Variants in SLC38A8 observed in about 807,000 individuals in gnomAD.
SLC38A8 encodes amino acid transporter SLC38A8.
Under a neutral mutation model 46.0 loss-of-function variants are expected in SLC38A8, and 65 were observed. That is an observed-to-expected ratio of 1.41 (90% CI 1.16 to 1.74). The LOEUF is 1.74. SLC38A8 is among the 40% of genes most tolerant of loss of function. The probability of loss-of-function intolerance (pLI) is 0.00; values close to 1 mark genes in which losing one functional copy is unlikely to be tolerated. For missense variants in SLC38A8, 998 were observed against 567.9 expected, an observed-to-expected ratio of 1.76 and a Z score of -7.70; for synonymous variants, 447 against 243.7, an observed-to-expected ratio of 1.83 and a Z score of -7.77.
chr16:84,015,767 G>A (rs546535259), intron 9 of SLC38A8, among the ~76,000 whole-genome samples: 4 of 152,236 alleles, frequency 2.6e-5, no homozygotes, highest in South Asian at 2.1e-4. Context: ...GTGCAGTGGC[G>A]CAATCTTGGC....
intron 7 of SLC38A8, among the ~76,000 whole-genome samples, chr16:84,018,810 A>C (rs938246267): frequency 6.6e-6 from 1 of 152,194 alleles, no homozygotes; most frequent in African/African-American, 2.4e-5. Flanking sequence ...AAGGAATGAC[A>C]AGACAAAGGG....
In SLC38A8 at chr16:84,017,189, A is replaced by C. The variant is rs1344261741; in HGVS notation, c.904T>G (p.Phe302Val). 1 of 1,614,120 alleles carries C rather than the reference A, an allele frequency of 6.2e-7. No homozygotes were observed. The highest frequency in any genetic ancestry group is 8.5e-7 in the Non-Finnish European group (1 of 1,180,014). ...TAGACAGTTACGATGGAGACAGCAA[A>C]AAGGACCCGGGCCACAATGATGACC... ...DMVIIVARVL[F>V]AVSIVTVYPI... is the part of the protein sequence containing the mutation. The change falls in exon 8 of 11, where the codon TTT (phenylalanine) becomes GTT (valine). Residue 302 changes from phenylalanine (F) to valine (V), a missense_variant. Phe to Val is a conservative substitution (Grantham distance 50). Transcript: ENST00000299709.
chr16:84,034,433 G>A (rs1017417117), intron 3 of SLC38A8, among the ~76,000 whole-genome samples: 5 of 152,194 alleles, frequency 3.3e-5, no homozygotes, highest in South Asian at 2.1e-4. Context: ...TAAGACAGAT[G>A]GGGGAGGGGA....
At chr16:84,040,906 C>T (rs926696939) in intron 2 of SLC38A8, among the ~76,000 whole-genome samples, 13 of 152,178 alleles carry the variant, frequency 8.5e-5, no homozygotes, top group African/African-American at 1.9e-4. Flanking sequence ...AGGCCAGGCA[C>T]GGGGCAGGAG....
intron 6 of SLC38A8, among the ~76,000 whole-genome samples, chr16:84,024,615 T>C (rs1336250376): frequency 6.6e-6 from 1 of 152,002 alleles, no homozygotes; most frequent in East Asian, 2.0e-4. Flanking sequence ...ACCCCGTCTC[T>C]ACTAAAAGTA....
chr16:84,016,223 C>G (rs1238109720), intron 9 of SLC38A8, among the ~76,000 whole-genome samples: 1 of 152,242 alleles, frequency 6.6e-6, no homozygotes, highest in Non-Finnish European at 1.5e-5. Context: ...CATGATTCAA[C>G]TATCTCCACC....
At chr16:84,037,101 A>G (rs188233067) in intron 2 of SLC38A8, among the ~76,000 whole-genome samples, 1 of 152,326 alleles carries the variant, frequency 6.6e-6, no homozygotes, top group Admixed American at 6.5e-5. Flanking sequence ...TCAGAGCTGC[A>G]GTGCAGGCTG....
At chr16:84,034,855 T>A (rs1324399500) in intron 3 of SLC38A8, among the ~76,000 whole-genome samples, 1 of 151,908 alleles carries the variant, frequency 6.6e-6, no homozygotes, top group East Asian at 1.9e-4. Flanking sequence ...ATAGCCAGGA[T>A]CCTCAGGGCC....
At chr16:84,032,161 G>T (rs2085247963) in intron 4 of SLC38A8, among the ~76,000 whole-genome samples, 193 bp from the exon 5 acceptor site, 1 of 138,366 alleles carries the variant, frequency 7.2e-6, no homozygotes, top group East Asian at 2.2e-4. Flanking sequence ...CAAGGGGTCA[G>T]ATGTAGAGTT....
At chr16:84,016,754 A>T (rs13380582) in intron 8 of SLC38A8, 27 bp from the exon 9 acceptor site, 93,339 of 1,600,436 alleles carry the variant, frequency 0.058, 3,131 homozygotes, top group East Asian at 0.13. Flanking sequence ...ACACAGACAC[A>T]TGGGCATCTC....
At chr16:84,025,857 T>C (rs2085158093) in intron 6 of SLC38A8, among the ~76,000 whole-genome samples, 1 of 152,220 alleles carries the variant, frequency 6.6e-6, no homozygotes, top group Non-Finnish European at 1.5e-5. Context: ...CGCGCACCCC[T>C]GCTCTCTGGC....
At chr16:84,025,817 C>A (rs367841815) in intron 6 of SLC38A8, among the ~76,000 whole-genome samples, 5 of 152,380 alleles carry the variant, frequency 3.3e-5, no homozygotes, top group Non-Finnish European at 1.5e-5. Flanking sequence ...TTGAGCACAG[C>A]CCTTCCGCTG....
chr16:84,029,649 AAC>A, intron 5 of SLC38A8, 98 bp from the exon 6 acceptor site: 3 of 1,194,994 alleles, frequency 2.5e-6, no homozygotes, highest in Non-Finnish European at 3.7e-6. Flanking sequence ...GGGAAAATGT[AAC>A]AGAGCATGGC....
intron 6 of SLC38A8, among the ~76,000 whole-genome samples, chr16:84,025,912 C>A (rs547414156): frequency 6.6e-6 from 1 of 152,196 alleles, no homozygotes; most frequent in African/African-American, 2.4e-5. Context: ...GCAGGGGGGA[C>A]GCAACCCCTC....
chr16:84,015,915 G>A (rs1169055053), intron 9 of SLC38A8, among the ~76,000 whole-genome samples: 1 of 152,204 alleles, frequency 6.6e-6, no homozygotes, highest in Non-Finnish European at 1.5e-5. Context: ...CTGACCTCAG[G>A]TGATCCGCCT....
intron 6 of SLC38A8, among the ~76,000 whole-genome samples, chr16:84,028,163 C>T (rs758115729): frequency 1.3e-5 from 2 of 151,874 alleles, no homozygotes; most frequent in East Asian, 3.9e-4. Flanking sequence ...AGCTGAGATC[C>T]GGTGGTAAAC....
At chr16:84,011,750 G>A (rs2084956535) in intron 10 of SLC38A8, among the ~76,000 whole-genome samples, 1 of 152,200 alleles carries the variant, frequency 6.6e-6, no homozygotes, top group Admixed American at 6.5e-5. Flanking sequence ...CAGGTGTGAT[G>A]GTGGGCGTCT....
chr16:84,040,343 T>G (rs182621988), intron 2 of SLC38A8, among the ~76,000 whole-genome samples: 1 of 152,338 alleles, frequency 6.6e-6, no homozygotes, highest in East Asian at 1.9e-4. Flanking sequence ...TCCTCAAGTC[T>G]GCTGAGTGAA....
intron 8 of SLC38A8, 119 bp from the exon 9 acceptor site, chr16:84,016,846 T>G (rs1323898582): frequency 1.1e-5 from 13 of 1,194,646 alleles, no homozygotes; most frequent in Non-Finnish European, 1.5e-5. Context: ...TGTTCCACAC[T>G]CAGGTGTTTA....
Sources: gnomAD v4.1 joint callset for allele counts (sites outside exome capture counted in the v4.1 genomes callset) on GRCh38, gnomAD v4.1.1 for gene constraint, MANE v1.5 for transcripts, NCBI Gene and HGNC (gene_info 2026-07-23, HGNC 2026-07-21) for gene names.